Variants in PTPRT observed in about 807,000 individuals in gnomAD.
The protein encoded by PTPRT is receptor-type tyrosine-protein phosphatase T.
A neutral mutation model predicts 176.8 loss-of-function variants in PTPRT; 56 were observed. The ratio of observed to expected loss-of-function variants is 0.32; its 90% CI spans 0.26 to 0.40. The LOEUF (loss-of-function observed/expected upper bound fraction) is 0.40, where lower values mean the gene tolerates loss of function less well. Ranked by LOEUF, PTPRT falls within the 10% of genes least tolerant of loss-of-function variation. The pLI is 1.00. For missense variants in PTPRT, 1,540 were observed against 1,908.2 expected (o/e 0.81, Z 3.60); for synonymous variants, 783 against 739.0 (o/e 1.06, Z -0.96).
chr20:42,863,712 C>T (rs1483101533), intron 2 of PTPRT, among the ~76,000 whole-genome samples: 3 of 152,206 alleles, frequency 2.0e-5, no homozygotes, highest in Admixed American at 2.0e-4. Flanking sequence ...ACCTGACTCC[C>T]TGCCCCCTAA....
chr20:42,263,737 C>T (rs894356101), intron 13 of PTPRT, among the ~76,000 whole-genome samples: 2 of 149,936 alleles, frequency 1.3e-5, no homozygotes, highest in Non-Finnish European at 3.0e-5. Context: ...ATTGCCTAGG[C>T]TGATCTCGAA....
At chr20:43,085,205 C>T (rs370414874) in intron 1 of PTPRT, among the ~76,000 whole-genome samples, 2 of 152,138 alleles carry the variant, frequency 1.3e-5, no homozygotes, top group Admixed American at 6.6e-5. Context: ...CAGCTGTCAC[C>T]GCATTCCTCT....
chr20:42,900,602 C>T (rs2079387179), intron 1 of PTPRT, among the ~76,000 whole-genome samples: 1 of 152,138 alleles, frequency 6.6e-6, no homozygotes, highest in Admixed American at 6.6e-5. Flanking sequence ...ACATAGAAGA[C>T]AGGAGATGAA....
At chr20:43,142,421 G>A (rs1005913972) in intron 1 of PTPRT, among the ~76,000 whole-genome samples, 2 of 152,186 alleles carry the variant, frequency 1.3e-5, no homozygotes, top group Admixed American at 6.5e-5. Flanking sequence ...CCAGGTCTTG[G>A]ATCTGCACAA....
At chr20:42,644,866 A>C (rs1470165894) in intron 7 of PTPRT, among the ~76,000 whole-genome samples, 3 of 152,190 alleles carry the variant, frequency 2.0e-5, no homozygotes, top group Non-Finnish European at 4.4e-5. Flanking sequence ...CAGATTACTA[A>C]GTATGTGCTC....
At chr20:42,141,022 G>T (rs901315675) in intron 18 of PTPRT, among the ~76,000 whole-genome samples, 6 of 152,146 alleles carry the variant, frequency 3.9e-5, no homozygotes, top group Non-Finnish European at 8.8e-5. Flanking sequence ...TGACTCCCGA[G>T]GGCGCTAACT....
intron 19 of PTPRT, 78 bp from the exon 20 acceptor site, chr20:42,120,049 T>C: frequency 7.5e-7 from 1 of 1,330,508 alleles, no homozygotes; most frequent in South Asian, 1.4e-5. Flanking sequence ...AAACATCCTC[T>C]CCAAGTCTTG....
rs142767730 is a variant in PTPRT at position 42,911,918 on chromosome 20, C to A, written c.89-25986G>T. 3.0e-3 allele frequency among the ~76,000 whole-genome samples: 452 copies of A among 151,674 alleles called. 2 individuals carry two copies. Among genetic ancestry groups the A allele is most frequent in the Middle Eastern group, 0.01 (3 of 290 alleles). On this transcript the variant is annotated intron_variant, in intron 1 of 30. Coordinates refer to ENST00000373187, the MANE Select transcript of PTPRT (RefSeq NM_007050.6). Reference sequence around the variant, plus strand: ...AGTTTACTAAATGTTCTTCTAAAACCCAATTTTAATGGTTGCCATCCTGCA... The same window carrying A: ...AGTTTACTAAATGTTCTTCTAAAACACAATTTTAATGGTTGCCATCCTGCA...
chr20:42,747,118 AAAG>A (rs1362858176), intron 6 of PTPRT, among the ~76,000 whole-genome samples: 7 of 152,232 alleles, frequency 4.6e-5, no homozygotes, highest in African/African-American at 1.7e-4. Flanking sequence ...AGAAGGAAGA[AAAG>A]AATTAAGGAA....
the PTPRT span, among the ~76,000 whole-genome samples, chr20:42,053,916 G>A: frequency 6.6e-6 from 1 of 152,156 alleles, no homozygotes; most frequent in African/African-American, 2.4e-5. Context: ...GAGGAAGAGG[G>A]GTCTATCTTT....
At chr20:42,337,160 C>G (rs199960692) in intron 11 of PTPRT, among the ~76,000 whole-genome samples, 2 of 152,102 alleles carry the variant, frequency 1.3e-5, no homozygotes, top group East Asian at 1.9e-4. Context: ...AGAAGCCCCC[C>G]CTTCCCTGGC....
rs1317239071 is a variant in PTPRT, at chr20:42,158,704, T to C, written c.2682+2648A>G. ...GGGCTAGCACATTGTGAAATGACTT[T>C]TATCAGGCAATATTTTCCAATTAAC... On this transcript the variant is annotated intron_variant, in intron 17 of 30. Coordinates refer to ENST00000373187, the MANE Select transcript of PTPRT (RefSeq NM_007050.6). Among the ~76,000 whole-genome samples, 3 of 152,202 alleles carry C rather than the reference T, an allele frequency of 2.0e-5. No individual in the cohort carries two copies. In the East Asian group the frequency reaches 5.8e-4, roughly 29 times the overall value.
chr20:42,181,076 CAGTT>C (rs1379790054), intron 16 of PTPRT, among the ~76,000 whole-genome samples: 13 of 152,326 alleles, frequency 8.5e-5, no homozygotes, highest in Non-Finnish European at 7.3e-5. Context: ...CCTTGGCACA[CAGTT>C]AGGGCTCAAT....
the PTPRT span, among the ~76,000 whole-genome samples, chr20:42,065,120 G>A: frequency 2.6e-5 from 4 of 152,210 alleles, no homozygotes; most frequent in Non-Finnish European, 5.9e-5. Context: ...GCTTAAAGAT[G>A]TCTGTAGTCC....
chr20:42,136,064 C>T (rs140351810), intron 18 of PTPRT, among the ~76,000 whole-genome samples: 1 of 152,162 alleles, frequency 6.6e-6, no homozygotes, highest in East Asian at 1.9e-4. Context: ...ACAACTCCTT[C>T]TCCCTCCCTC....
At chr20:42,564,013 CTG>C (rs543169878) in intron 7 of PTPRT, among the ~76,000 whole-genome samples, 1 of 152,210 alleles carries the variant, frequency 6.6e-6, no homozygotes, top group Non-Finnish European at 1.5e-5. Context: ...TCTGGACCCT[CTG>C]TATCTCACCA....
chr20:42,558,698 G>C (rs1409760976), intron 7 of PTPRT, among the ~76,000 whole-genome samples: 1 of 152,024 alleles, frequency 6.6e-6, no homozygotes, highest in African/African-American at 2.4e-5. Context: ...CACCCTCATG[G>C]ATTTTCCGAT....
intron 2 of PTPRT, among the ~76,000 whole-genome samples, chr20:42,861,731 A>G (rs1293504763): frequency 1.3e-5 from 2 of 152,206 alleles, no homozygotes; most frequent in South Asian, 2.1e-4. Context: ...TACATATTCA[A>G]AAAGGCTAGT....
intron 6 of PTPRT, among the ~76,000 whole-genome samples, chr20:42,708,051 T>TA (rs764864215): frequency 1.5e-4 from 23 of 152,174 alleles, no homozygotes; most frequent in Admixed American, 7.2e-4. Context: ...TATTAAATTA[T>TA]AAAAATGCTA....
Sources: gnomAD v4.1 joint callset for allele counts (sites outside exome capture counted in the v4.1 genomes callset) on GRCh38, gnomAD v4.1.1 for gene constraint, MANE v1.5 for transcripts, NCBI Gene and HGNC (gene_info 2026-07-23, HGNC 2026-07-21) for gene names.